VPS53: variants seen among roughly 807,000 people sequenced by gnomAD.
The protein encoded by VPS53 is vacuolar protein sorting-associated protein 53 homolog.
A neutral mutation model predicts 107.0 loss-of-function variants in VPS53; 70 were observed. That is an observed-to-expected ratio of 0.65 (90% CI 0.54 to 0.80). The LOEUF is 0.80. VPS53 is among the 30% of genes least tolerant of loss of function. VPS53 has a pLI of 0.00. For synonymous variants in VPS53, 409 were observed against 393.3 expected (o/e 1.04, Z -0.47); for missense variants, 917 against 1,049.4 (o/e 0.87, Z 1.74).
At chr17:686,117 T>G (rs893326878) in intron 4 of VPS53, among the ~76,000 whole-genome samples, 2 of 152,000 alleles carry the variant, frequency 1.3e-5, no homozygotes, top group African/African-American at 4.8e-5. Context: ...CCAGGAGTTC[T>G]AAACCAGCCT....
intron 11 of VPS53, among the ~76,000 whole-genome samples, chr17:610,747 C>G (rs916228038): frequency 1.5e-5 from 2 of 131,962 alleles, no homozygotes; most frequent in Admixed American, 7.6e-5. Flanking sequence ...AAAACCCCGC[C>G]TCTACTAAAA....
chr17:686,321 A>G (rs1972584567), intron 4 of VPS53, among the ~76,000 whole-genome samples: 1 of 152,180 alleles, frequency 6.6e-6, no homozygotes, highest in South Asian at 2.1e-4. Flanking sequence ...CCCTGTCTCT[A>G]AGAAGAAAAA....
At chr17:653,123 C>G in intron 7 of VPS53, 168 bp downstream of exon 7, 3 of 985,250 alleles carry the variant, frequency 3.0e-6, no homozygotes, top group Non-Finnish European at 3.6e-6. Context: ...GGAAAGCTGC[C>G]GGATCTGTGG....
intron 4 of VPS53, among the ~76,000 whole-genome samples, chr17:679,817 G>A (rs190943620): frequency 1.3e-5 from 2 of 152,082 alleles, no homozygotes; most frequent in East Asian, 3.9e-4. Flanking sequence ...TGGTCTCTGC[G>A]GTTGCAAAAA....
chr17:702,897 G>A (rs1448664538), intron 2 of VPS53, among the ~76,000 whole-genome samples: 1 of 151,582 alleles, frequency 6.6e-6, no homozygotes, highest in African/African-American at 2.4e-5. Context: ...CCTCTTCAAC[G>A]TTAAGATTGG....
At chr17:657,946 A>G (rs1334922131) in intron 5 of VPS53, among the ~76,000 whole-genome samples, 2 of 151,456 alleles carry the variant, frequency 1.3e-5, no homozygotes, top group Non-Finnish European at 2.9e-5. Flanking sequence ...ATCGCACTAA[A>G]GTGAGAAACT....
chr17:701,480 C>T (rs56262780), intron 2 of VPS53, among the ~76,000 whole-genome samples: 1 of 151,730 alleles, frequency 6.6e-6, no homozygotes, highest in Non-Finnish European at 1.5e-5. Context: ...CTGGTTCAAG[C>T]GATTCTCCTG....
chr17:681,118 T>C (rs575531221), intron 4 of VPS53, among the ~76,000 whole-genome samples: 53 of 152,160 alleles, frequency 3.5e-4, no homozygotes, highest in African/African-American at 1.2e-3. Flanking sequence ...CAAAACAAAG[T>C]TGTTTTTTTG....
rs58002311 is a variant in VPS53, at chr17:638,198, T to C, written c.609-6570A>G. ...CCTTCTTTGTCTCTTTTGATCTTTG[T>C]TGGTTTAAAGTCTCTTTTATGAGAG... On this transcript the variant is annotated intron_variant, in intron 7 of 21. Transcript: ENST00000437048. Among the ~76,000 whole-genome samples the C allele has an allele frequency of 9.9e-3, 1,511 of 152,352 alleles. 26 individuals carry two copies. Among genetic ancestry groups the C allele is most frequent in the African/African-American group, 0.034 (1,413 of 41,580 alleles).
intron 6 of VPS53, among the ~76,000 whole-genome samples, chr17:655,432 T>C (rs538013157): frequency 2.0e-5 from 3 of 151,738 alleles, no homozygotes; most frequent in Non-Finnish European, 2.9e-5. Context: ...GGAGTGAATA[T>C]GGGCCTGTGT....
intron 11 of VPS53, among the ~76,000 whole-genome samples, chr17:613,510 G>C (rs1442045098): frequency 1.3e-5 from 2 of 151,710 alleles, no homozygotes; most frequent in African/African-American, 4.8e-5. Context: ...GTGAAAACCT[G>C]TACAAATATT....
chr17:589,727 T>A (rs984009758), intron 12 of VPS53, among the ~76,000 whole-genome samples: 2 of 152,208 alleles, frequency 1.3e-5, no homozygotes, highest in Non-Finnish European at 2.9e-5. Flanking sequence ...ATTGTCCCAT[T>A]GATCTATATC....
At position 628,127 on chromosome 17, in the gene VPS53, A is replaced by T. The variant is rs1969795039; in HGVS notation, c.792T>A (p.His264Gln). The change falls in exon 9 of 22, where the codon CAT becomes CAA. Residue 264 changes from histidine to glutamine, a missense_variant. Coordinates refer to ENST00000437048, the MANE Select transcript of VPS53 (RefSeq NM_001128159.3). Reference protein sequence around the residue: ...QEIIKKFIKQHLSEYLVLFQE... With the variant: ...QEIIKKFIKQQLSEYLVLFQE... ...GAAAAAGTACCAGATACTCTGACAGATGCTGTTTAATAAACTTTTTGATGA... is the reference window on the plus strand; with the variant it reads ...GAAAAAGTACCAGATACTCTGACAGTTGCTGTTTAATAAACTTTTTGATGA... 1.9e-6 allele frequency: 3 copies of T among 1,613,954 alleles called. No individual in the cohort carries two copies. The highest frequency in any genetic ancestry group is 2.5e-6 in the Non-Finnish European group (3 of 1,179,962).
chr17:623,375 G>C (rs1250818616), intron 11 of VPS53, among the ~76,000 whole-genome samples, 158 bp downstream of exon 11: 2 of 152,164 alleles, frequency 1.3e-5, no homozygotes, highest in African/African-American at 4.8e-5. Flanking sequence ...TCCACACAGA[G>C]TGTTCTGTAT....
intron 13 of VPS53, among the ~76,000 whole-genome samples, chr17:578,358 C>T (rs923502438): frequency 1.3e-5 from 2 of 151,420 alleles, no homozygotes; most frequent in African/African-American, 2.4e-5. Flanking sequence ...CTCTCAGAAC[C>T]TAATGCGTTC....
intron 1 of VPS53, among the ~76,000 whole-genome samples, chr17:712,512 A>T (rs901327167): frequency 6.6e-6 from 1 of 152,014 alleles, no homozygotes; most frequent in Non-Finnish European, 1.5e-5. Flanking sequence ...CTGGGACTTC[A>T]TCTTGGAGTA....
chr17:613,160 A>G (rs994134736), intron 11 of VPS53, among the ~76,000 whole-genome samples: 2 of 150,940 alleles, frequency 1.3e-5, no homozygotes, highest in African/African-American at 4.9e-5. Flanking sequence ...TATTCACAGC[A>G]GTATTCAAAT....
At chr17:560,129 G>T (rs1425238272) in intron 15 of VPS53, among the ~76,000 whole-genome samples, 1 of 152,222 alleles carries the variant, frequency 6.6e-6, no homozygotes, top group Admixed American at 6.5e-5. Context: ...TTCTCATATG[G>T]GTTGGAGTGC....
At chr17:529,148 G>C (rs536682527) in intron 19 of VPS53, among the ~76,000 whole-genome samples, 3 of 152,100 alleles carry the variant, frequency 2.0e-5, no homozygotes, top group Non-Finnish European at 4.4e-5. Context: ...GACTCTCTTT[G>C]AATGATGCCA....
Sources: gnomAD v4.1 joint callset for allele counts (sites outside exome capture counted in the v4.1 genomes callset) on GRCh38, gnomAD v4.1.1 for gene constraint, MANE v1.5 for transcripts, NCBI Gene and HGNC (gene_info 2026-07-23, HGNC 2026-07-21) for gene names.